MAP7: variants seen among roughly 807,000 people sequenced by gnomAD.
MAP7 encodes ensconsin.
In MAP7, 52 loss-of-function variants were observed where a neutral mutation model predicts 94.8. The observed-to-expected ratio is 0.55, with a 90% CI of 0.44 to 0.69. The LOEUF (loss-of-function observed/expected upper bound fraction) is 0.69, where lower values mean the gene tolerates loss of function less well. MAP7 is among the 30% of genes least tolerant of loss of function. The probability of loss-of-function intolerance (pLI) is 0.00; values close to 1 mark genes in which losing one functional copy is unlikely to be tolerated. For missense variants in MAP7, 940 were observed against 964.6 expected, an observed-to-expected ratio of 0.97 and a Z score of 0.34; for synonymous variants, 350 against 357.0, an observed-to-expected ratio of 0.98 and a Z score of 0.22.
intron 3 of MAP7, among the ~76,000 whole-genome samples, chr6:136,403,819 T>G (rs561225832): frequency 1.3e-4 from 20 of 152,346 alleles, no homozygotes; most frequent in African/African-American, 4.8e-4. Flanking sequence ...GTCCTGAGCC[T>G]GACTCATGAT....
chr6:136,368,591 A>C (rs1202811673), intron 8 of MAP7, among the ~76,000 whole-genome samples: 1 of 152,236 alleles, frequency 6.6e-6, no homozygotes, highest in Non-Finnish European at 1.5e-5. Context: ...TTGAATTTAA[A>C]TCTAAATTAA....
chr6:136,520,270 G>T (rs957044316), intron 1 of MAP7, among the ~76,000 whole-genome samples: 2 of 151,806 alleles, frequency 1.3e-5, no homozygotes, highest in African/African-American at 4.8e-5. Flanking sequence ...ATAATCTCTG[G>T]TATACTAATA....
intron 1 of MAP7, among the ~76,000 whole-genome samples, chr6:136,451,509 A>G (rs2128882249): frequency 6.6e-6 from 1 of 152,344 alleles, no homozygotes; most frequent in Admixed American, 6.5e-5. Context: ...ATGGACCAGG[A>G]GATGAATGTT....
chr6:136,478,979 C>CAAAAA (rs59319740), intron 1 of MAP7, among the ~76,000 whole-genome samples: 17 of 45,522 alleles, frequency 3.7e-4, no homozygotes, highest in East Asian at 2.1e-3. Context: ...ACAGACACAT[C>CAAAAA]AAAAAAAAAA....
At chr6:136,461,029 C>T (rs1348008658) in intron 1 of MAP7, among the ~76,000 whole-genome samples, 2 of 152,284 alleles carry the variant, frequency 1.3e-5, no homozygotes, top group East Asian at 1.9e-4. Context: ...ATACAGCTGA[C>T]ACAATTAAGA....
chr6:136,402,889 G>C (rs1172291864), intron 3 of MAP7, among the ~76,000 whole-genome samples: 1 of 119,388 alleles, frequency 8.4e-6, no homozygotes, highest in Non-Finnish European at 1.6e-5. Context: ...CTGGGCGAAA[G>C]AGCAAGACTC....
chr6:136,423,357 T>C (rs1373573043), intron 1 of MAP7, among the ~76,000 whole-genome samples: 1 of 152,174 alleles, frequency 6.6e-6, no homozygotes, highest in African/African-American at 2.4e-5. Context: ...AGAAAGGTAG[T>C]TCATTGCCTG....
At chr6:136,397,417 T>C (rs1782782010) in intron 3 of MAP7, among the ~76,000 whole-genome samples, 1 of 152,178 alleles carries the variant, frequency 6.6e-6, no homozygotes, top group African/African-American at 2.4e-5. Context: ...GTTGAGGTTA[T>C]GTATTTTCTC....
intron 1 of MAP7, among the ~76,000 whole-genome samples, chr6:136,528,174 C>T (rs913885307): frequency 1.3e-5 from 2 of 152,070 alleles, no homozygotes; most frequent in African/African-American, 4.8e-5. Flanking sequence ...GTGCTTCTCC[C>T]GATGACAAAT....
chr6:136,347,819 C>G (rs562261322), intron 16 of MAP7, among the ~76,000 whole-genome samples: 3 of 151,942 alleles, frequency 2.0e-5, no homozygotes, highest in Admixed American at 2.0e-4. Context: ...TCCTTTTTTA[C>G]GGAAAAAATG....
At chr6:136,526,753 G>T in intron 1 of MAP7, 1 of 880,390 alleles carries the variant, frequency 1.1e-6, no homozygotes, top group Non-Finnish European at 1.4e-6. Context: ...CTTCTTTTCT[G>T]GGCCAGGTTG....
At chr6:136,365,673 T>A in intron 10 of MAP7, 62 bp downstream of exon 10, 1 of 1,524,300 alleles carries the variant, frequency 6.6e-7, no homozygotes, top group Non-Finnish European at 8.8e-7. Flanking sequence ...AAAAAAAGCT[T>A]CATCAAAACA....
intron 1 of MAP7, among the ~76,000 whole-genome samples, chr6:136,548,433 G>C (rs951561694): frequency 1.3e-5 from 2 of 152,104 alleles, no homozygotes; most frequent in African/African-American, 4.8e-5. Flanking sequence ...ATAGGAAAGA[G>C]ATGCGGGGCC....
chr6:136,429,292 C>T (rs1794203566), intron 1 of MAP7, among the ~76,000 whole-genome samples: 1 of 152,204 alleles, frequency 6.6e-6, no homozygotes, highest in Non-Finnish European at 1.5e-5. Context: ...TAGAGTGACA[C>T]TCTGCAAACA....
At chr6:136,469,049 C>T (rs1418697524) in intron 1 of MAP7, among the ~76,000 whole-genome samples, 2 of 151,736 alleles carry the variant, frequency 1.3e-5, no homozygotes, top group Admixed American at 1.3e-4. Context: ...TGAATGACAA[C>T]AAGAGAGAAA....
At chr6:136,415,393 A>C (rs1190378504) in intron 2 of MAP7, among the ~76,000 whole-genome samples, 5 of 152,246 alleles carry the variant, frequency 3.3e-5, no homozygotes, top group Non-Finnish European at 7.3e-5. Context: ...ATTTCAATTA[A>C]GTATGTGCCA....
intron 15 of MAP7, among the ~76,000 whole-genome samples, chr6:136,357,406 A>C (rs1378877685): frequency 6.6e-6 from 1 of 152,172 alleles, no homozygotes; most frequent in African/African-American, 2.4e-5. Flanking sequence ...ACCTTTATAT[A>C]GGCCAGAGTT....
intron 1 of MAP7, among the ~76,000 whole-genome samples, chr6:136,498,110 C>T (rs1355376281): frequency 6.6e-6 from 1 of 152,070 alleles, no homozygotes; most frequent in Non-Finnish European, 1.5e-5. Context: ...ATGATGAAAG[C>T]TACACCTTTT....
chr6:136,474,285 A>C (rs1268022820), intron 1 of MAP7, among the ~76,000 whole-genome samples: 1 of 152,208 alleles, frequency 6.6e-6, no homozygotes, highest in Non-Finnish European at 1.5e-5. Flanking sequence ...AAGAGTGCCA[A>C]AATCTGTCCT....
Sources: gnomAD v4.1 joint callset for allele counts (sites outside exome capture counted in the v4.1 genomes callset) on GRCh38, gnomAD v4.1.1 for gene constraint, MANE v1.5 for transcripts, NCBI Gene and HGNC (gene_info 2026-07-23, HGNC 2026-07-21) for gene names.